The following VSIG10 variants were observed in gnomAD, a reference collection of about 807,000 sequenced individuals.
The protein encoded by VSIG10 is V-set and immunoglobulin domain containing 10.
In VSIG10, 48 loss-of-function variants were observed where a neutral mutation model predicts 58.7. That is an observed-to-expected ratio of 0.82 (90% CI 0.65 to 1.04). VSIG10 has a LOEUF of 1.04. VSIG10 is among the 50% of genes least tolerant of loss of function. The pLI, the probability that VSIG10 is intolerant of heterozygous loss-of-function variation, is 0.00. For missense variants in VSIG10, 628 were observed against 670.0 expected (o/e 0.94, Z 0.69); for synonymous variants, 260 against 267.1 (o/e 0.97, Z 0.26).
At chr12:118,101,775 A>C (rs2033629129) in intron 1 of VSIG10, 1 of 152,194 alleles carries the variant, frequency 6.6e-6, no homozygotes, top group Admixed American at 6.5e-5. Context: ...CACAACAAAA[A>C]TACACCAAGC....
At chr12:118,070,326 C>T (rs6490163) in intron 7 of VSIG10, among the ~76,000 whole-genome samples, 42,570 of 151,794 alleles carry the variant, frequency 0.28, 6,139 homozygotes, top group South Asian at 0.34. Flanking sequence ...GGCGGGCAGA[C>T]CACTTGAGGC....
intron 2 of VSIG10, among the ~76,000 whole-genome samples, chr12:118,095,051 G>C (rs990900712): frequency 6.6e-6 from 1 of 152,112 alleles, no homozygotes; most frequent in Admixed American, 6.5e-5. Flanking sequence ...CTACAGGTGC[G>C]CGCCACCACG....
At chr12:118,067,486 CAG>C (rs1229632122) in intron 8 of VSIG10, among the ~76,000 whole-genome samples, 1 of 125,330 alleles carries the variant, frequency 8.0e-6, no homozygotes, top group Non-Finnish European at 1.6e-5. Flanking sequence ...TTTTTTGAGA[CAG>C]AGTCTCACTC....
intron 2 of VSIG10, among the ~76,000 whole-genome samples, chr12:118,094,052 A>G (rs2137940485): frequency 6.6e-6 from 1 of 152,362 alleles, no homozygotes; most frequent in African/African-American, 2.4e-5. Flanking sequence ...GGTGACACAG[A>G]ACTCAGTGAC....
rs554032959 is a variant in VSIG10 at position 118,079,710 on chromosome 12, C to A, written c.665-104G>T. Reference sequence around the variant, plus strand: ...AACCAGGGTCTCAGAGGGACATCAACCCCAGTTAGTGTTAGCATCTAATAG... The same window carrying A: ...AACCAGGGTCTCAGAGGGACATCAAACCCAGTTAGTGTTAGCATCTAATAG... On this transcript the variant is annotated intron_variant, in intron 3 of 8. Coordinates refer to ENST00000359236, the MANE Select transcript of VSIG10 (RefSeq NM_019086.6). 5.4e-6 allele frequency: 8 copies of A among 1,479,032 alleles called. No homozygotes were observed. The South Asian group carries it at 1.0e-4, about 19-fold the overall frequency. The allele number at this position is 1,479,032 out of a possible 1,614,324, so 91.6% of individuals were successfully genotyped here.
At chr12:118,067,386 G>T (rs922282854) in intron 8 of VSIG10, among the ~76,000 whole-genome samples, 1 of 151,374 alleles carries the variant, frequency 6.6e-6, no homozygotes, top group African/African-American at 2.4e-5. Context: ...CTCCTCTACT[G>T]CTCTCTCAGT....
chr12:118,068,749 C>G (rs766701725), intron 7 of VSIG10, among the ~76,000 whole-genome samples, 152 bp from the exon 8 acceptor site: 2 of 152,102 alleles, frequency 1.3e-5, no homozygotes, highest in Admixed American at 1.3e-4. Context: ...GTGTGGTAAC[C>G]GCAGAGATGC....
chr12:118,069,280 T>A (rs540554971), intron 7 of VSIG10, among the ~76,000 whole-genome samples: 202 of 150,644 alleles, frequency 1.3e-3, no homozygotes, highest in Non-Finnish European at 2.3e-3. Context: ...AGTAGAGACA[T>A]GGTTTCAACA....
Position 118,082,368 on chromosome 12 carries a change from G to A in VSIG10, c.423C>T (p.Leu141=), listed in dbSNP as rs1262943973. The change falls in exon 3 of 9, where the codon CTC becomes CTT. Residue 141 remains leucine, a synonymous_variant. Transcript: ENST00000359236. ...CCACCTGGGAGCCCCTGGCTGCGTA[G>A]AGGGTGCCGTTGGGGAGTGTGCCGG... ...VATGTLPNGT[L]YAARGSQVDF... is the part of the protein sequence containing the mutation. 6.2e-7 allele frequency: 1 copy of A among 1,613,982 alleles called. No homozygotes were observed. The highest frequency in any genetic ancestry group is 1.1e-5 in the South Asian group (1 of 91,084).
At chr12:118,095,446 C>T (rs1017182542) in intron 2 of VSIG10, 87 bp downstream of exon 2, 6 of 1,540,294 alleles carry the variant, frequency 3.9e-6, no homozygotes, top group Non-Finnish European at 5.3e-6. Flanking sequence ...GCCATCCGAA[C>T]CCAAAACCCA....
chr12:118,066,622 A>G lies in VSIG10; in HGVS notation c.*17T>C, dbSNP rs1320964436. On this transcript the variant is annotated 3_prime_UTR_variant, in exon 9 of 9. Transcript: ENST00000359236. The stretch of plus-strand genomic sequence containing the variant: ...TCCAAGCTTTCAGAGCAAGACAACC[A>G]TGGACCATCCTCTTCTTCAGACTGG... The G allele has an allele frequency of 6.2e-7, 1 of 1,613,808 alleles. No individual in the cohort carries two copies. The highest frequency in any genetic ancestry group is 8.5e-7 in the Non-Finnish European group (1 of 1,179,798).
At chr12:118,076,935 A>C (rs61943493) in intron 4 of VSIG10, among the ~76,000 whole-genome samples, 2 of 152,180 alleles carry the variant, frequency 1.3e-5, no homozygotes, top group African/African-American at 4.8e-5. Flanking sequence ...CTGGGATTAC[A>C]GGCGTGAGCC....
intron 7 of VSIG10, 47 bp from the exon 8 acceptor site, chr12:118,068,644 C>T: frequency 1.3e-6 from 2 of 1,487,636 alleles, no homozygotes; most frequent in South Asian, 1.4e-5. Flanking sequence ...CTTATTTTTC[C>T]CAACTTCAGC....
rs529218093 is a variant in VSIG10 at position 118,096,122 on chromosome 12, C to T, written c.80-308G>A. ...TATATTTTCAAAAGGGACAGGGTTT[C>T]ACCACCACATTGGCCAGGCTGGTCT... On this transcript the variant is annotated intron_variant, in intron 1 of 8. Transcript: ENST00000359236. Among the ~76,000 whole-genome samples, 14 of 151,900 alleles carry T rather than the reference C, an allele frequency of 9.2e-5. No homozygotes were observed. In the South Asian group the frequency reaches 2.9e-3, roughly 32 times the overall value.
intron 2 of VSIG10, among the ~76,000 whole-genome samples, chr12:118,087,562 C>T (rs1054779886): frequency 6.6e-6 from 1 of 151,940 alleles, no homozygotes; most frequent in African/African-American, 2.4e-5. Flanking sequence ...GGGGGCTGGG[C>T]GAGGTGGTTC....
rs777725192 is a variant in VSIG10, at chr12:118,079,481, C to T, written c.790G>A (p.Gly264Ser). ...AGCTTTGACTTCCCCACGATTACAC[C>T]TCCTGGCTCTTCTATCCACAGGAAG... ...PDFLWIEEPG[G>S]VIVGKSKLGV... Residue 264 changes from glycine (G) to serine (S), a missense_variant, in exon 4 of 9, where the codon GGT becomes AGT. Gly to Ser is a moderately conservative substitution (Grantham distance 56). Coordinates refer to ENST00000359236, the MANE Select transcript of VSIG10 (RefSeq NM_019086.6). 6 of 1,614,048 alleles carry T rather than the reference C, an allele frequency of 3.7e-6. No homozygotes were observed. Among genetic ancestry groups the T allele is most frequent in the Non-Finnish European group, 5.1e-6 (6 of 1,179,908 alleles).
intron 2 of VSIG10, among the ~76,000 whole-genome samples, chr12:118,083,653 C>A (rs1436003396): frequency 6.6e-6 from 1 of 152,098 alleles, no homozygotes; most frequent in Non-Finnish European, 1.5e-5. Flanking sequence ...GCAGCTGGGA[C>A]TACAAGCGTA....
At chr12:118,101,892 G>T (rs993737439) in intron 1 of VSIG10, 4 of 152,244 alleles carry the variant, frequency 2.6e-5, no homozygotes, top group African/African-American at 9.6e-5. Context: ...CCAACACTTT[G>T]GGAGGCCGAG....
At chr12:118,091,081 G>T (rs1391983870) in intron 2 of VSIG10, among the ~76,000 whole-genome samples, 5 of 151,862 alleles carry the variant, frequency 3.3e-5, no homozygotes, top group Non-Finnish European at 5.9e-5. Flanking sequence ...GTTGCAGTGA[G>T]CCAAGGTGGC....
Sources: gnomAD v4.1 joint callset for allele counts (sites outside exome capture counted in the v4.1 genomes callset) on GRCh38, gnomAD v4.1.1 for gene constraint, MANE v1.5 for transcripts, NCBI Gene and HGNC (gene_info 2026-07-23, HGNC 2026-07-21) for gene names.